Variants in PIK3C2A observed in about 807,000 individuals in gnomAD.
PIK3C2A encodes phosphatidylinositol 4-phosphate 3-kinase C2 domain-containing subunit alpha.
Under a neutral mutation model 204.5 loss-of-function variants are expected in PIK3C2A, and 97 were observed. The ratio of observed to expected loss-of-function variants is 0.47; its 90% confidence interval spans 0.40 to 0.56. The LOEUF (loss-of-function observed/expected upper bound fraction) is 0.56. PIK3C2A is among the 20% of genes least tolerant of loss of function. The pLI, the probability that PIK3C2A is intolerant of heterozygous loss-of-function variation, is 0.00. For missense variants in PIK3C2A, 1,735 were observed against 1,969.2 expected (o/e 0.88, Z 2.25); for synonymous variants, 653 against 664.4 (o/e 0.98, Z 0.26).
chr11:17,117,547 G>A lies in PIK3C2A; in HGVS notation c.3160C>T (p.Gln1054Ter). 6.2e-7 allele frequency: 1 copy of A among 1,613,760 alleles called. No individual in the cohort carries two copies. Among genetic ancestry groups the A allele is most frequent in the East Asian group, 2.2e-5 (1 of 44,864 alleles). The change falls in exon 19 of 33, where the codon CAG becomes TAG. Residue 1054 changes from glutamine (Q) to a stop codon, truncating the protein, a stop_gained. Coordinates refer to ENST00000691414, the MANE Select transcript of PIK3C2A (RefSeq NM_002645.4). LOFTEE classifies it high-confidence loss of function. Reference protein sequence around the residue: ...EELLKQTKLVQLLGGVAEKVR... With the variant: ...EELLKQTKLV ...TTTTCTGCTACTCCTCCTAAAAGCT[G>A]TACAAGTTTCGTCTGTTTTAGAAGT...
intron 6 of PIK3C2A, 48 bp from the exon 7 acceptor site, chr11:17,145,990 T>C (rs774884323): frequency 2.4e-5 from 33 of 1,365,604 alleles, no homozygotes; most frequent in Non-Finnish European, 3.4e-5. Flanking sequence ...TCTTTGGTCT[T>C]TCTATTGTCA....
intron 21 of PIK3C2A, 117 bp downstream of exon 21, chr11:17,112,453 AAAAT>A (rs780672558): frequency 3.4e-4 from 151 of 441,330 alleles, no homozygotes; most frequent in East Asian, 4.9e-4. Context: ...ACCCTGTGTA[AAAAT>A]AAATAAATAA....
chr11:17,117,698 T>A, intron 18 of PIK3C2A, 27 bp from the exon 19 acceptor site: 1 of 925,300 alleles, frequency 1.1e-6, no homozygotes, highest in Non-Finnish European at 1.6e-6. Context: ...TTTATGTTAG[T>A]CACGTCTTGG....
At chr11:17,183,778 A>T (rs1369983203) in intron 1 of PIK3C2A, among the ~76,000 whole-genome samples, 1 of 152,130 alleles carries the variant, frequency 6.6e-6, no homozygotes, top group African/African-American at 2.4e-5. Flanking sequence ...AGCCAACAGC[A>T]GACCATATAT....
chr11:17,099,394 T>A (rs1848550210), intron 26 of PIK3C2A, among the ~76,000 whole-genome samples: 1 of 152,114 alleles, frequency 6.6e-6, no homozygotes, highest in African/African-American at 2.4e-5. Flanking sequence ...GAAAGAGACT[T>A]TAATTAGCTG....
rs538296103 is a variant in PIK3C2A, at chr11:17,174,260, A to G, written c.-65-4454T>C. On this transcript the variant is annotated intron_variant, in intron 1 of 32. Coordinates refer to ENST00000691414, the MANE Select transcript of PIK3C2A (RefSeq NM_002645.4). ...ATCACCTATTGTGGAACACCAAAGT[A>G]TACTGCCTATTTTTCACAAAATTAG... Among the ~76,000 whole-genome samples, 11 of 152,182 alleles carry G rather than the reference A, an allele frequency of 7.2e-5. 1 individual carries two copies. In the South Asian group the frequency reaches 2.1e-3, roughly 29 times the overall value.
rs368986960 is a variant in PIK3C2A, at chr11:17,159,125, A to T, written c.1066-3496T>A. Among the ~76,000 whole-genome samples the T allele has an allele frequency of 4.6e-5, 7 of 152,330 alleles. No individual in the cohort carries two copies. In the South Asian group the frequency reaches 1.2e-3, roughly 27 times the overall value. The stretch of plus-strand genomic sequence containing the variant: ...AAACTCCACACAAACAAACCAAAGC[A>T]TCAAATCATCTCTTTTCTCCATGGA... On this transcript the variant is annotated intron_variant, in intron 2 of 32. Coordinates refer to ENST00000691414, the MANE Select transcript of PIK3C2A (RefSeq NM_002645.4).
At position 17,189,661 on chromosome 11, in the gene PIK3C2A, A is replaced by C. The variant is rs891137863; in HGVS notation, c.-66+18187T>G. On this transcript the variant is annotated intron_variant, in intron 1 of 32. Coordinates refer to ENST00000691414, the MANE Select transcript of PIK3C2A (RefSeq NM_002645.4). ...TCAGAATACTTTCATCGCCCCATAA[A>C]GAAACCCTGCACTCATTAGCAGTCA... Among the ~76,000 whole-genome samples, 30 of 127,940 alleles carry C rather than the reference A, an allele frequency of 2.3e-4. 1 individual carries two copies. Among genetic ancestry groups the C allele is most frequent in the Non-Finnish European group, 1.5e-5 (1 of 65,736 alleles). 83.9% of individuals were successfully genotyped at this position (127,940 alleles called of 152,430 possible).
In PIK3C2A at chr11:17,094,264, G is replaced by A; in HGVS notation, c.4448C>T (p.Pro1483Leu). 6.2e-7 allele frequency: 1 copy of A among 1,606,782 alleles called. No homozygotes were observed. Among genetic ancestry groups the A allele is most frequent in the Non-Finnish European group, 8.5e-7 (1 of 1,174,332 alleles). ...ATGTACAAGGATGAATACATACCCT[G>A]GTAACTTCCAAAGTGGAAAAATAAT... ...LSIIFPLWKL[P>L]GFPNRMVLGR... Residue 1483 changes from proline (P) to leucine (L), a missense_variant, in exon 28 of 33, where the codon CCA becomes CTA. By Grantham distance (98) the Pro-to-Leu change is moderately conservative. Around this residue, in one of 6 missense-constraint regions of PIK3C2A, gnomAD observed 503 missense variants for 669.0 expected, o/e 0.75. Coordinates refer to ENST00000691414, the MANE Select transcript of PIK3C2A (RefSeq NM_002645.4).
chr11:17,094,483 G>A, intron 27 of PIK3C2A, 98 bp from the exon 28 acceptor site: 4 of 908,028 alleles, frequency 4.4e-6, no homozygotes, highest in Non-Finnish European at 6.6e-6. Flanking sequence ...CAGCACTTTG[G>A]GAGGCCGAGG....
At chr11:17,096,320 G>A (rs990287721) in intron 27 of PIK3C2A, among the ~76,000 whole-genome samples, 2 of 152,176 alleles carry the variant, frequency 1.3e-5, no homozygotes, top group Admixed American at 6.5e-5. Context: ...TTATAGGCAT[G>A]AGCCACTGCG....
At chr11:17,125,609 G>A (rs552021153) in intron 13 of PIK3C2A, among the ~76,000 whole-genome samples, 1 of 152,046 alleles carries the variant, frequency 6.6e-6, no homozygotes, top group East Asian at 2.0e-4. Context: ...CCACCTCCCG[G>A]GTTCAAGCAA....
intron 1 of PIK3C2A, among the ~76,000 whole-genome samples, chr11:17,180,230 A>G (rs1851490210): frequency 6.6e-6 from 1 of 152,052 alleles, no homozygotes; most frequent in Admixed American, 6.6e-5. Context: ...TATATATAAA[A>G]ATCAGCAGGG....
intron 20 of PIK3C2A, 150 bp downstream of exon 20, chr11:17,114,211 A>T (rs1849100015): frequency 2.4e-6 from 1 of 411,816 alleles, no homozygotes; most frequent in East Asian, 3.4e-5. Flanking sequence ...AAAATATGCT[A>T]AGATAAATAT....
At chr11:17,138,247 T>A (rs1382789961) in intron 8 of PIK3C2A, 12 of 923,078 alleles carry the variant, frequency 1.3e-5, no homozygotes, top group South Asian at 2.6e-5. Flanking sequence ...ACAATTCTAT[T>A]ACCAGGGGTT....
chr11:17,106,558 T>C (rs1357339736), intron 22 of PIK3C2A, among the ~76,000 whole-genome samples: 1 of 152,238 alleles, frequency 6.6e-6, no homozygotes, highest in Non-Finnish European at 1.5e-5. Context: ...AAAGGAAAAC[T>C]AGCTGAGATC....
intron 26 of PIK3C2A, among the ~76,000 whole-genome samples, chr11:17,098,832 G>A (rs571518699): frequency 6.6e-6 from 1 of 152,304 alleles, no homozygotes; most frequent in African/African-American, 2.4e-5. Context: ...GTGGTATTGT[G>A]ATGATGTGGC....
chr11:17,176,508 T>C (rs1338563878), intron 1 of PIK3C2A, among the ~76,000 whole-genome samples: 1 of 151,742 alleles, frequency 6.6e-6, no homozygotes. Flanking sequence ...GGGCTGAGTA[T>C]GGCAGCTCAG....
rs1402080414 is a variant in PIK3C2A at position 17,119,780 on chromosome 11, A to C, written c.2846+6T>G. 1 of 1,510,596 alleles carries C rather than the reference A, an allele frequency of 6.6e-7. No homozygotes were observed. Among genetic ancestry groups the C allele is most frequent in the Non-Finnish European group, 8.9e-7 (1 of 1,122,862 alleles). The allele number at this position is 1,510,596 out of a possible 1,614,324, so 93.6% of individuals were successfully genotyped here. On this transcript the variant is annotated splice_donor_region_variant and intron_variant, in intron 16 of 32. Coordinates refer to ENST00000691414, the MANE Select transcript of PIK3C2A (RefSeq NM_002645.4). ...AAACAAGAGCAAATAAATGTATTTG[A>C]CTTACTTTGAATCAAGAAGTTCCAA...
Sources: allele counts gnomAD v4.1 joint callset (sites outside exome capture counted in the v4.1 genomes callset), GRCh38; gene constraint gnomAD v4.1.1; regional missense constraint gnomAD v4.1.1; transcripts MANE v1.5; gene names NCBI Gene and HGNC (gene_info 2026-07-23, HGNC 2026-07-21).